PDIA5: variants seen among roughly 807,000 people sequenced by gnomAD.
The protein encoded by PDIA5 is protein disulfide isomerase family A member 5.
PDIA5 carries 58 observed loss-of-function variants against 77.6 expected under a neutral mutation model. The ratio of observed to expected loss-of-function variants is 0.75; its 90% confidence interval spans 0.61 to 0.93. PDIA5 has a LOEUF of 0.93. Ranked by LOEUF, PDIA5 falls within the 40% of genes least tolerant of loss-of-function variation. The pLI, the probability that PDIA5 is intolerant of heterozygous loss-of-function variation, is 0.00. For synonymous variants in PDIA5, 250 were observed against 252.1 expected, an observed-to-expected ratio of 0.99 and a Z score of 0.08; for missense variants, 630 against 647.7, an observed-to-expected ratio of 0.97 and a Z score of 0.30.
intron 1 of PDIA5, among the ~76,000 whole-genome samples, chr3:123,086,330 C>G (rs147381607): frequency 2.6e-5 from 4 of 152,292 alleles, no homozygotes; most frequent in East Asian, 1.9e-4. Flanking sequence ...ACAGGAGTCA[C>G]TAAGCCTGTA....
chr3:123,155,301 C>T (rs1405126656), intron 15 of PDIA5, among the ~76,000 whole-genome samples: 1 of 152,194 alleles, frequency 6.6e-6, no homozygotes, highest in Non-Finnish European at 1.5e-5. Context: ...CATCTATTTA[C>T]TTTTTTAGTG....
At chr3:123,105,697 T>A (rs1934707812) in intron 5 of PDIA5, among the ~76,000 whole-genome samples, 1 of 151,822 alleles carries the variant, frequency 6.6e-6, no homozygotes, top group Non-Finnish European at 1.5e-5. Context: ...CCCTTACTAT[T>A]ATAGAAGGGC....
intron 3 of PDIA5, among the ~76,000 whole-genome samples, chr3:123,099,068 C>G (rs1358175927): frequency 1.3e-5 from 2 of 152,204 alleles, no homozygotes; most frequent in African/African-American, 4.8e-5. Flanking sequence ...CACACACACA[C>G]ACACACACTA....
intron 11 of PDIA5, among the ~76,000 whole-genome samples, chr3:123,137,184 C>T (rs1385483720): frequency 1.3e-5 from 2 of 152,200 alleles, no homozygotes; most frequent in Admixed American, 1.3e-4. Context: ...TTTGTCCTTG[C>T]AGCCATGGAT....
At chr3:123,097,694 C>T (rs1174444890) in intron 3 of PDIA5, among the ~76,000 whole-genome samples, 1 of 152,140 alleles carries the variant, frequency 6.6e-6, no homozygotes, top group Non-Finnish European at 1.5e-5. Flanking sequence ...CCCCCGCCCC[C>T]TCCCCCTCCA....
At chr3:123,107,120 G>A (rs1368594965) in intron 6 of PDIA5, among the ~76,000 whole-genome samples, 1 of 152,158 alleles carries the variant, frequency 6.6e-6, no homozygotes, top group Non-Finnish European at 1.5e-5. Flanking sequence ...CATTAATGTA[G>A]ATTTAAATGT....
chr3:123,126,304 G>A (rs1388175251), intron 10 of PDIA5, among the ~76,000 whole-genome samples: 1 of 151,704 alleles, frequency 6.6e-6, no homozygotes, highest in East Asian at 1.9e-4. Context: ...CCAGTCTCTG[G>A]TCCTGGGTAC....
intron 6 of PDIA5, 103 bp from the exon 7 acceptor site, chr3:123,110,841 A>T: frequency 1.0e-6 from 1 of 964,358 alleles, no homozygotes; most frequent in Non-Finnish European, 1.7e-6. Context: ...TCCCCTCCCC[A>T]TCCCTACCCT....
rs1315384569 is a variant in PDIA5, at chr3:123,112,320, T to C, written c.541+1316T>C. On this transcript the variant is annotated intron_variant, in intron 7 of 16. Transcript: ENST00000316218. ...TGTGGCTCAGGAGGGTGTCATAGGC[T>C]CTGGTTTGTCATAGCAAACCAGAGT... Among the ~76,000 whole-genome samples the C allele has an allele frequency of 3.3e-5, 5 of 152,054 alleles. No homozygotes were observed. The East Asian group carries it at 9.7e-4, about 29-fold the overall frequency.
In PDIA5 at chr3:123,150,219, C is replaced by G; in HGVS notation, c.1143-15C>G. 6.2e-7 allele frequency: 1 copy of G among 1,605,322 alleles called. No homozygotes were observed. The highest frequency in any genetic ancestry group is 8.5e-7 in the Non-Finnish European group (1 of 1,174,406). On this transcript the variant is annotated splice_polypyrimidine_tract_variant and intron_variant, in intron 13 of 16. Coordinates refer to ENST00000316218, the MANE Select transcript of PDIA5 (RefSeq NM_006810.4). ...CTCCTTATGGCTGCCTCCCCACTCC[C>G]CTGGCTTCTTGCAGCCCTGAGGCCC...
intron 12 of PDIA5, 88 bp from the exon 13 acceptor site, chr3:123,146,010 TG>T: frequency 1.6e-6 from 2 of 1,249,110 alleles, no homozygotes; most frequent in Middle Eastern, 2.7e-4. Flanking sequence ...AGGTCCAGGA[TG>T]GGTTGTGGGG....
intron 1 of PDIA5, among the ~76,000 whole-genome samples, chr3:123,083,837 C>T (rs760836734): frequency 3.3e-5 from 5 of 152,026 alleles, no homozygotes; most frequent in Non-Finnish European, 5.9e-5. Flanking sequence ...AAGGAAGGAG[C>T]GTGCACATTG....
intron 6 of PDIA5, 98 bp downstream of exon 6, chr3:123,106,939 T>C: frequency 1.2e-6 from 1 of 801,040 alleles, no homozygotes; most frequent in Non-Finnish European, 2.1e-6. Flanking sequence ...AATGGGACTA[T>C]TCCAGGATCA....
chr3:123,146,943 G>A (rs1016803709), intron 13 of PDIA5, among the ~76,000 whole-genome samples: 5 of 152,138 alleles, frequency 3.3e-5, no homozygotes, highest in African/African-American at 1.2e-4. Flanking sequence ...CCAGGTAGCT[G>A]GGATTACAGG....
At chr3:123,133,121 G>A (rs1935410951) in intron 11 of PDIA5, among the ~76,000 whole-genome samples, 1 of 152,216 alleles carries the variant, frequency 6.6e-6, no homozygotes, top group Non-Finnish European at 1.5e-5. Context: ...CTCAGGACAG[G>A]TGAACTGAGA....
intron 11 of PDIA5, among the ~76,000 whole-genome samples, chr3:123,136,725 C>CAAAAAAAAAAA (rs59022235): frequency 1.4e-5 from 1 of 71,530 alleles, no homozygotes; most frequent in Non-Finnish European, 2.5e-5. Flanking sequence ...GGTGACAAGA[C>CAAAAAAAAAAA]AAAAAAAAAA....
At chr3:123,073,169 G>A (rs1409131795) in intron 1 of PDIA5, among the ~76,000 whole-genome samples, 3 of 152,196 alleles carry the variant, frequency 2.0e-5, no homozygotes, top group African/African-American at 7.2e-5. Context: ...ATTTCACGAC[G>A]GTGTGGTTTT....
chr3:123,079,487 G>T (rs1014374355), intron 1 of PDIA5, among the ~76,000 whole-genome samples: 1 of 152,132 alleles, frequency 6.6e-6, no homozygotes, highest in South Asian at 2.1e-4. Flanking sequence ...TTTTTGCATT[G>T]CGAAGTCTTT....
intron 2 of PDIA5, 41 bp downstream of exon 2, chr3:123,089,335 A>G (rs987288303): frequency 6.2e-7 from 1 of 1,603,860 alleles, no homozygotes; most frequent in Non-Finnish European, 8.5e-7. Flanking sequence ...CCATCGGGGT[A>G]GGATGGGATT....
Sources: allele counts gnomAD v4.1 joint callset (sites outside exome capture counted in the v4.1 genomes callset), GRCh38; gene constraint gnomAD v4.1.1; transcripts MANE v1.5; gene names NCBI Gene and HGNC (gene_info 2026-07-23, HGNC 2026-07-21).